Variants in CRHBP observed in about 807,000 individuals in gnomAD.
CRHBP encodes corticotropin-releasing hormone-binding protein.
Under a neutral mutation model 34.9 loss-of-function variants are expected in CRHBP, and 19 were observed. The observed-to-expected ratio is 0.55, with a 90% confidence interval of 0.38 to 0.80. CRHBP has a LOEUF of 0.80. Among genes scored for constraint, CRHBP ranks in the 30% least tolerant of loss-of-function variants. The pLI, the probability that CRHBP is intolerant of heterozygous loss-of-function variation, is 0.00. For missense variants in CRHBP, 328 were observed against 409.2 expected (o/e 0.80, Z 1.71); for synonymous variants, 154 against 153.4 (o/e 1.00, Z -0.03).
chr5:76,957,331 G>GA (rs934350080), intron 4 of CRHBP, among the ~76,000 whole-genome samples: 5 of 151,950 alleles, frequency 3.3e-5, no homozygotes, highest in African/African-American at 9.7e-5. Context: ...CCAGTAATCA[G>GA]AAAAAAAAGT....
downstream of CRHBP, among the ~76,000 whole-genome samples, chr5:76,971,150 G>T (rs1745938374): frequency 6.6e-6 from 1 of 152,236 alleles, no homozygotes; most frequent in Non-Finnish European, 1.5e-5. Flanking sequence ...AAGAAAGGAA[G>T]TATAGCGTAG....
chr5:76,954,294 G>A, intron 3 of CRHBP, 108 bp downstream of exon 3: 2 of 1,339,580 alleles, frequency 1.5e-6, no homozygotes, highest in Non-Finnish European at 2.0e-6. Flanking sequence ...GTAGCCAGTG[G>A]CACTTCTTAG....
intron 6 of CRHBP, among the ~76,000 whole-genome samples, chr5:76,967,995 C>T (rs1174307409): frequency 6.6e-6 from 1 of 151,944 alleles, no homozygotes; most frequent in African/African-American, 2.4e-5. Flanking sequence ...CCGTGCCCAG[C>T]TGAATAAGAT....
At chr5:76,972,849 C>G (rs1745966058), downstream of CRHBP, among the ~76,000 whole-genome samples, 1 of 152,170 alleles carries the variant, frequency 6.6e-6, no homozygotes. Context: ...ACTTTACAAC[C>G]TCTCTTACAG....
At chr5:76,966,901 A>C (rs1745867732) in intron 6 of CRHBP, among the ~76,000 whole-genome samples, 3 of 152,242 alleles carry the variant, frequency 2.0e-5, no homozygotes, top group Admixed American at 2.0e-4. Flanking sequence ...ATAAAGATTA[A>C]AGTCCAGAGT....
intron 5 of CRHBP, 131 bp downstream of exon 5, chr5:76,959,020 C>T (rs904380054): frequency 1.1e-6 from 1 of 909,452 alleles, no homozygotes; most frequent in East Asian, 2.8e-5. Context: ...TCTTAAATCT[C>T]AAATGTGTTT....
intron 2 of CRHBP, among the ~76,000 whole-genome samples, chr5:76,975,825 A>AAAAATATATATATATAT: frequency 1.6e-5 from 1 of 61,858 alleles, no homozygotes; most frequent in Non-Finnish European, 2.7e-5. Flanking sequence ...AAAAAAAAAA[A>AAAAATATATATATATAT]ATATATATAT....
chr5:76,967,380 C>T (rs958747984), intron 6 of CRHBP, among the ~76,000 whole-genome samples: 4 of 152,152 alleles, frequency 2.6e-5, no homozygotes, highest in Admixed American at 2.6e-4. Flanking sequence ...ATCTCAATAA[C>T]TCTATTGAAC....
At chr5:76,980,395 A>G (rs1746102779) in intron 3 of CRHBP, among the ~76,000 whole-genome samples, 1 of 152,186 alleles carries the variant, frequency 6.6e-6, no homozygotes, top group South Asian at 2.1e-4. Context: ...CACCGCTCTC[A>G]GGGAGGGTTT....
downstream of CRHBP, chr5:76,969,576 T>C (rs1745912649): frequency 6.6e-6 from 1 of 152,362 alleles, no homozygotes; most frequent in African/African-American, 2.4e-5. Flanking sequence ...TAAATCATTT[T>C]GGACTTCTCA....
intron 5 of CRHBP, among the ~76,000 whole-genome samples, chr5:76,962,021 T>G (rs796232770): frequency 4.7e-4 from 71 of 152,332 alleles, no homozygotes; most frequent in African/African-American, 1.7e-3. Flanking sequence ...CCCAAAGTGC[T>G]GGAATTACAG....
In CRHBP at chr5:76,953,650, T is replaced by C. The variant is rs1745611066; in HGVS notation, c.131T>C (p.Leu44Pro). 1 of 1,611,814 alleles carries C rather than the reference T, an allele frequency of 6.2e-7. No individual in the cohort carries two copies. The highest frequency in any genetic ancestry group is 2.2e-5 in the East Asian group (1 of 44,798). Residue 44 changes from leucine to proline, a missense_variant, in exon 2 of 7, where the codon CTG (leucine) becomes CCG (proline). Physicochemically the swap from Leu to Pro is moderately conservative, Grantham distance 98. Coordinates refer to ENST00000274368, the MANE Select transcript of CRHBP (RefSeq NM_001882.4). ...YDPFLLFSAN[L>P]KRELAGEQPY... is the part of the protein sequence containing the mutation. ...CCTTTCCTGCTCTTCAGCGCCAACCTGAAGCGGGAGCTGGCTGGGGAGCAG... is the reference window on the plus strand; with the variant it reads ...CCTTTCCTGCTCTTCAGCGCCAACCCGAAGCGGGAGCTGGCTGGGGAGCAG...
At chr5:76,975,438 A>G (rs1261310160) in intron 2 of CRHBP, among the ~76,000 whole-genome samples, 2 of 152,114 alleles carry the variant, frequency 1.3e-5, no homozygotes, top group Non-Finnish European at 2.9e-5. Flanking sequence ...TATTATCGCT[A>G]ATCATTATGA....
At chr5:76,975,825 A>AAAAAAAAAAAAAAAAAATATATATAT in intron 2 of CRHBP, among the ~76,000 whole-genome samples, 1 of 61,844 alleles carries the variant, frequency 1.6e-5, no homozygotes, top group African/African-American at 9.1e-5. Flanking sequence ...AAAAAAAAAA[A>AAAAAAAAAAAAAAAAAATATATATAT]ATATATATAT....
At chr5:76,972,678 G>A (rs1198760847), downstream of CRHBP, among the ~76,000 whole-genome samples, 5 of 152,140 alleles carry the variant, frequency 3.3e-5, no homozygotes, top group African/African-American at 1.2e-4. Flanking sequence ...TTCTGCCACT[G>A]TCTTCGAGCC....
chr5:76,953,895 C>T (rs1580089394), intron 2 of CRHBP, 134 bp from the exon 3 acceptor site: 3 of 1,244,002 alleles, frequency 2.4e-6, no homozygotes, highest in African/African-American at 1.5e-5. Context: ...AGGAACCCAG[C>T]GCAGCCTAGG....
chr5:76,977,122 G>A (rs1399639761), intron 3 of CRHBP, among the ~76,000 whole-genome samples: 1 of 152,158 alleles, frequency 6.6e-6, no homozygotes, highest in Non-Finnish European at 1.5e-5. Flanking sequence ...GCCAGGTAAA[G>A]GTAGGAAGGG....
chr5:76,978,921 T>G (rs1485881467), intron 3 of CRHBP, among the ~76,000 whole-genome samples: 1 of 152,232 alleles, frequency 6.6e-6, no homozygotes, highest in African/African-American at 2.4e-5. Context: ...CAAACAGCAT[T>G]GCATGCTACA....
chr5:76,959,241 T>C (rs1389324883), intron 5 of CRHBP, among the ~76,000 whole-genome samples: 2 of 152,262 alleles, frequency 1.3e-5, no homozygotes, highest in Non-Finnish European at 2.9e-5. Context: ...GTGAGTCATC[T>C]ACACAGCTGT....
Sources: gnomAD v4.1 joint callset for allele counts (sites outside exome capture counted in the v4.1 genomes callset) on GRCh38, gnomAD v4.1.1 for gene constraint, MANE v1.5 for transcripts, NCBI Gene and HGNC (gene_info 2026-07-23, HGNC 2026-07-21) for gene names.